The following CACNA2D1 variants were observed in gnomAD, a reference collection of about 807,000 sequenced individuals.
CACNA2D1 encodes calcium voltage-gated channel auxiliary subunit alpha2delta 1.
CACNA2D1 carries 53 observed loss-of-function variants against 171.5 expected under a neutral mutation model. That is an observed-to-expected ratio of 0.31 (90% CI 0.25 to 0.39). The LOEUF is 0.39. CACNA2D1 is among the 10% of genes least tolerant of loss of function. The probability of loss-of-function intolerance (pLI) is 1.00; values close to 1 mark genes in which losing one functional copy is unlikely to be tolerated. For missense variants in CACNA2D1, 903 were observed against 1,299.8 expected (o/e 0.69, Z 4.69); for synonymous variants, 442 against 443.1 (o/e 1.00, Z 0.03).
chr7:82,060,181 A>ATATAT (rs1554381785), intron 10 of CACNA2D1, among the ~76,000 whole-genome samples: 1 of 21,868 alleles, frequency 4.6e-5, no homozygotes, highest in African/African-American at 1.8e-4. Context: ...TATATATAAT[A>ATATAT]TATATATATT....
chr7:82,066,989 AAAAT>A (rs1304827524), intron 7 of CACNA2D1, among the ~76,000 whole-genome samples: 2 of 152,146 alleles, frequency 1.3e-5, no homozygotes, highest in African/African-American at 4.8e-5. Flanking sequence ...AGTCCATGGT[AAAAT>A]AACTAAAAGG....
chr7:81,994,270 T>C (rs1328172890), intron 20 of CACNA2D1, among the ~76,000 whole-genome samples: 1 of 152,116 alleles, frequency 6.6e-6, no homozygotes, highest in Non-Finnish European at 1.5e-5. Context: ...TGACTGATAA[T>C]AGATATACTC....
At chr7:82,415,416 C>A (rs1828070394) in intron 1 of CACNA2D1, among the ~76,000 whole-genome samples, 1 of 152,004 alleles carries the variant, frequency 6.6e-6, no homozygotes, top group Non-Finnish European at 1.5e-5. Context: ...TGCCTGTGGT[C>A]CCTGCTACTT....
intron 3 of CACNA2D1, among the ~76,000 whole-genome samples, chr7:82,202,721 C>T (rs1799591736): frequency 1.3e-5 from 2 of 152,052 alleles, no homozygotes; most frequent in Admixed American, 6.5e-5. Context: ...TTAGAGGTTG[C>T]TGTGAATGCA....
At chr7:81,985,471 C>G (rs1371821326) in intron 21 of CACNA2D1, among the ~76,000 whole-genome samples, 2 of 152,016 alleles carry the variant, frequency 1.3e-5, no homozygotes, top group Non-Finnish European at 1.5e-5. Context: ...GCCTCCACGC[C>G]TGGCCATTAT....
intron 25 of CACNA2D1, among the ~76,000 whole-genome samples, chr7:81,972,777 A>G (rs570954587): frequency 6.6e-6 from 1 of 152,098 alleles, no homozygotes; most frequent in South Asian, 2.1e-4. Context: ...TTTCAGATAA[A>G]GAATATATGT....
At chr7:82,142,239 C>T (rs187743238) in intron 4 of CACNA2D1, among the ~76,000 whole-genome samples, 75 of 152,276 alleles carry the variant, frequency 4.9e-4, no homozygotes, top group Non-Finnish European at 9.0e-4. Flanking sequence ...TTTATTATCT[C>T]CTTGAAACAA....
Position 82,002,195 on chromosome 7 carries a change from G to T in CACNA2D1, c.1590+3228C>A, listed in dbSNP as rs547283713. ...TTTGGGAGGTGATTAGGTCTTGGTT[G>T]GTGGGTCCCTCATGAATGGGACTGG... On this transcript the variant is annotated intron_variant, in intron 18 of 38. Coordinates refer to ENST00000356860, the MANE Select transcript of CACNA2D1 (RefSeq NM_000722.4). Among the ~76,000 whole-genome samples the T allele has an allele frequency of 3.9e-5, 6 of 152,184 alleles. No individual in the cohort carries two copies. The South Asian group carries it at 1.2e-3, about 32-fold the overall frequency.
intron 1 of CACNA2D1, among the ~76,000 whole-genome samples, chr7:82,429,111 T>A (rs1829449983): frequency 6.6e-6 from 1 of 152,228 alleles, no homozygotes; most frequent in African/African-American, 2.4e-5. Context: ...ATCTTTTCCA[T>A]GGATGATGGC....
At chr7:82,079,691 CAA>C (rs755722648) in intron 7 of CACNA2D1, among the ~76,000 whole-genome samples, 19 of 70,040 alleles carry the variant, frequency 2.7e-4, no homozygotes, top group African/African-American at 4.6e-4. Flanking sequence ...GACTCTGTCT[CAA>C]AAAAAAAAAA....
chr7:82,009,247 C>T (rs965878231), intron 15 of CACNA2D1: 1 of 152,108 alleles, frequency 6.6e-6, no homozygotes, highest in African/African-American at 2.4e-5. Flanking sequence ...TGAGGCCTCC[C>T]CAGCCACATG....
chr7:82,110,483 TAC>T (rs1004092024), intron 6 of CACNA2D1, among the ~76,000 whole-genome samples: 1 of 152,082 alleles, frequency 6.6e-6, no homozygotes, highest in African/African-American at 2.4e-5. Flanking sequence ...CTGTAAGAAA[TAC>T]ACGTCTGTTA....
At chr7:82,393,111 CAGGGAGGGAGGGAGGG>C (rs1413640781) in intron 1 of CACNA2D1, among the ~76,000 whole-genome samples, 2 of 86,874 alleles carry the variant, frequency 2.3e-5, no homozygotes, top group Non-Finnish European at 4.1e-5. Context: ...GGCAGGCAGG[CAGGGAGGGAGGGAGGG>C]AGGCAGGCAG....
intron 29 of CACNA2D1, among the ~76,000 whole-genome samples, chr7:81,968,179 A>G (rs1294256970): frequency 6.6e-6 from 1 of 151,416 alleles, no homozygotes; most frequent in East Asian, 1.9e-4. Flanking sequence ...GAATTCATGT[A>G]ATAGATCCGC....
intron 36 of CACNA2D1, among the ~76,000 whole-genome samples, chr7:81,960,547 A>T (rs1793983656): frequency 6.6e-6 from 1 of 152,084 alleles, no homozygotes; most frequent in African/African-American, 2.4e-5. Context: ...CCAACATAAA[A>T]AATGTAAATA....
chr7:82,200,956 T>A (rs368679069), intron 3 of CACNA2D1, among the ~76,000 whole-genome samples: 1 of 152,214 alleles, frequency 6.6e-6, no homozygotes, highest in East Asian at 1.9e-4. Flanking sequence ...GTAACAGAAC[T>A]GTGCACTTTA....
At chr7:81,989,514 A>C (rs79044834) in intron 21 of CACNA2D1, among the ~76,000 whole-genome samples, 1 of 152,284 alleles carries the variant, frequency 6.6e-6, no homozygotes, top group East Asian at 1.9e-4. Flanking sequence ...CCTGAGCGAA[A>C]ATGATGAGAC....
At chr7:82,386,641 G>C (rs943093584) in intron 1 of CACNA2D1, among the ~76,000 whole-genome samples, 3 of 152,024 alleles carry the variant, frequency 2.0e-5, no homozygotes, top group African/African-American at 7.2e-5. Flanking sequence ...GCTGAGGCAG[G>C]AGAATCACTT....
intron 3 of CACNA2D1, among the ~76,000 whole-genome samples, chr7:82,273,614 A>T (rs903423491): frequency 1.3e-5 from 2 of 152,128 alleles, no homozygotes; most frequent in African/African-American, 4.8e-5. Flanking sequence ...CAGCTACCCA[A>T]GTAGCTTTGA....
Sources: gnomAD v4.1 joint callset for allele counts (sites outside exome capture counted in the v4.1 genomes callset) on GRCh38, gnomAD v4.1.1 for gene constraint, MANE v1.5 for transcripts, NCBI Gene and HGNC (gene_info 2026-07-23, HGNC 2026-07-21) for gene names.